Variants in GPR55 observed in about 807,000 individuals in gnomAD.
GPR55 encodes the protein G protein-coupled receptor 55, also known as G-protein coupled receptor 55.
In GPR55, 6 loss-of-function variants were observed where a neutral mutation model predicts 7.9. The ratio of observed to expected loss-of-function variants is 0.76; its 90% CI spans 0.41 to 1.49. GPR55 has a LOEUF of 1.49. GPR55 is among the 40% of genes most tolerant of loss of function. The pLI is 0.01. For synonymous variants in GPR55, 183 were observed against 166.8 expected, an observed-to-expected ratio of 1.10 and a Z score of -0.75; for missense variants, 376 against 406.0, an observed-to-expected ratio of 0.93 and a Z score of 0.63.
chr2:230,925,256 T>A (rs147224253), upstream of GPR55: 860 of 152,696 alleles, frequency 5.6e-3, 4 homozygotes, highest in Non-Finnish European at 9.2e-3. Flanking sequence ...GAGAGTCACT[T>A]CCCCTCTCTG....
intron 1 of GPR55, among the ~76,000 whole-genome samples, chr2:230,917,071 T>C (rs1690733460): frequency 2.0e-5 from 3 of 152,238 alleles, no homozygotes; most frequent in African/African-American, 4.8e-5. Context: ...CCTTGTAGAA[T>C]TGCAGAACAA....
At chr2:230,959,185 C>T (rs1183597365) in intron 1 of GPR55, among the ~76,000 whole-genome samples, 2 of 152,226 alleles carry the variant, frequency 1.3e-5, no homozygotes, top group Non-Finnish European at 2.9e-5. Flanking sequence ...CTAGCTCACG[C>T]CTGTAATCCC....
chr2:230,926,784 G>C (rs377710170), upstream of GPR55, among the ~76,000 whole-genome samples: 11 of 148,490 alleles, frequency 7.4e-5, no homozygotes, highest in Admixed American at 1.4e-4. Flanking sequence ...CCACTTCCCG[G>C]GTTCAAGTGA....
intron 1 of GPR55, among the ~76,000 whole-genome samples, chr2:230,920,491 A>T (rs190960537): frequency 0.01 from 1,555 of 151,650 alleles, 19 homozygotes; most frequent in African/African-American, 0.029. Context: ...TGATTTTTTT[A>T]AAAAAAAATT....
chr2:230,956,989 C>T (rs1691492512), intron 1 of GPR55, among the ~76,000 whole-genome samples: 1 of 151,732 alleles, frequency 6.6e-6, no homozygotes, highest in Non-Finnish European at 1.5e-5. Context: ...CCAAGCCTGA[C>T]TGCCGCCAAT....
rs1303086014 is a variant in GPR55, at chr2:230,910,860, G to C, written c.103C>G (p.Leu35Val). The change falls in exon 2 of 2, where the codon CTG (leucine) becomes GTG (valine). Residue 35 changes from leucine (L) to valine (V), a missense_variant. Coordinates refer to ENST00000650999, the MANE Select transcript of GPR55 (RefSeq NM_005683.4). The surrounding 1 kb of genome is among the most constrained non-coding windows in gnomAD (Gnocchi z 5.4). ...TGGATGGCCAGCAGGTTGAGGAGCAGGCCCAGGACGAAGGTGGGGATGTGG... is the reference window on the plus strand; with the variant it reads ...TGGATGGCCAGCAGGTTGAGGAGCACGCCCAGGACGAAGGTGGGGATGTGG... ...AVHIPTFVLG[L>V]LLNLLAIHGF... The C allele has an allele frequency of 2.5e-6, 4 of 1,614,172 alleles. No individual in the cohort carries two copies. The highest frequency in any genetic ancestry group is 8.5e-7 in the Non-Finnish European group (1 of 1,180,018).
At chr2:230,947,541 T>C (rs1691338505) in intron 1 of GPR55, among the ~76,000 whole-genome samples, 1 of 150,034 alleles carries the variant, frequency 6.7e-6, no homozygotes, top group Non-Finnish European at 1.5e-5. Flanking sequence ...TCTCACTCTG[T>C]CTCTCAGGCT....
intron 1 of GPR55, among the ~76,000 whole-genome samples, chr2:230,938,459 T>C (rs1484285262): frequency 6.6e-6 from 1 of 152,108 alleles, no homozygotes; most frequent in Non-Finnish European, 1.5e-5. Context: ...CCTGGTCTTT[T>C]ACCGTGTTTT....
chr2:230,907,824 G>A lies in GPR55; in HGVS notation c.*2179C>T, dbSNP rs1432824957. On this transcript the variant is annotated 3_prime_UTR_variant, in exon 2 of 2. Transcript: ENST00000650999. The stretch of plus-strand genomic sequence containing the variant: ...ATCGCTGGGGATGATAGTTGGTTAG[G>A]TCCACCCACCCTTGTCTCTTAGGAA... 4 of 152,216 alleles carry A rather than the reference G, an allele frequency of 2.6e-5. No individual in the cohort carries two copies. The highest frequency in any genetic ancestry group is 9.7e-5 in the African/African-American group (4 of 41,436). 9.4% of individuals were successfully genotyped at this position (152,216 alleles called of 1,614,324 possible).
At chr2:230,949,460 C>T (rs976646419) in intron 1 of GPR55, among the ~76,000 whole-genome samples, 1 of 152,216 alleles carries the variant, frequency 6.6e-6, no homozygotes, top group Non-Finnish European at 1.5e-5. Context: ...CCGCGCCCAT[C>T]CTGCTTTTAA....
Position 230,910,329 on chromosome 2 carries a change from G to C in GPR55, c.634C>G (p.Arg212Gly), listed in dbSNP as rs554032648. Reference protein sequence around the residue: ...SRSIHILLGRRDHTQDWVQQK... With the variant: ...SRSIHILLGRGDHTQDWVQQK... ...TGCACCCAGTCCTGGGTGTGGTCTC[G>C]GCGGCCCAGCAGGATGTGGATGCTC... Residue 212 changes from arginine (R) to glycine (G), a missense_variant, in exon 2 of 2, where the codon CGA (arginine) becomes GGA (glycine). Arg to Gly is a moderately radical substitution (Grantham distance 125). Transcript: ENST00000650999. The surrounding 1 kb of genome is among the most constrained non-coding windows in gnomAD (Gnocchi z 5.4). The C allele has an allele frequency of 1.5e-5, 25 of 1,613,574 alleles. No individual in the cohort carries two copies. Among genetic ancestry groups the C allele is most frequent in the Non-Finnish European group, 2.0e-5 (24 of 1,179,790 alleles).
chr2:230,953,332 C>T (rs1258039699), intron 1 of GPR55, among the ~76,000 whole-genome samples: 2 of 152,130 alleles, frequency 1.3e-5, no homozygotes, highest in African/African-American at 2.4e-5. Context: ...TCCTGATAGG[C>T]CCAATGTAAT....
At chr2:230,951,304 C>T (rs1691401277) in intron 1 of GPR55, among the ~76,000 whole-genome samples, 1 of 152,176 alleles carries the variant, frequency 6.6e-6, no homozygotes, top group South Asian at 2.1e-4. Context: ...CAACCCCCCA[C>T]ACATCTGGTC....
rs1992187 is a variant in GPR55 at position 230,910,429 on chromosome 2, G to T, written c.534C>A (p.Ser178Arg). ...CFHNMSDDTWSAKVFFPLEVF... is the reference protein window; with the variant it reads ...CFHNMSDDTWRAKVFFPLEVF... ...CCTCCAGCGGGAAGAAGACCTTGGC[G>T]CTCCAGGTATCATCAGACATGTTGT... is the stretch of plus-strand genomic sequence containing the variant. Residue 178 changes from serine to arginine, a missense_variant, in exon 2 of 2, where the codon AGC (serine) becomes AGA (arginine). Physicochemically the swap from Ser to Arg is moderately radical, Grantham distance 110. Coordinates refer to ENST00000650999, the MANE Select transcript of GPR55 (RefSeq NM_005683.4). The surrounding 1 kb of genome is among the most constrained non-coding windows in gnomAD (Gnocchi z 5.4). 1.2e-6 allele frequency: 2 copies of T among 1,613,508 alleles called. No homozygotes were observed. Among genetic ancestry groups the T allele is most frequent in the East Asian group, 4.5e-5 (2 of 44,862 alleles).
chr2:230,911,033 C>A lies in GPR55; in HGVS notation c.-71G>T. 1 of 1,483,162 alleles carries A rather than the reference C, an allele frequency of 6.7e-7. No homozygotes were observed. The highest frequency in any genetic ancestry group is 9.1e-7 in the Non-Finnish European group (1 of 1,098,072). 91.9% of individuals were successfully genotyped at this position (1,483,162 alleles called of 1,614,324 possible). A position where few individuals can be genotyped will look rare whatever the true frequency, so the allele number is the denominator to read the frequency against. ...CTCTTGAAGTGATGGATTCAAATGA[C>A]TTTGTCAAGAATCACAAACACCTCC... On this transcript the variant is annotated 5_prime_UTR_variant, in exon 2 of 2. Coordinates refer to ENST00000650999, the MANE Select transcript of GPR55 (RefSeq NM_005683.4).
Position 230,944,136 on chromosome 2 carries a change from C to T in GPR55, c.-135+16639G>A, listed in dbSNP as rs1691276542. Among the ~76,000 whole-genome samples, 1 of 152,224 alleles carries T rather than the reference C, an allele frequency of 6.6e-6. No homozygotes were observed. The highest frequency in any genetic ancestry group is 1.5e-5 in the Non-Finnish European group (1 of 68,044). On this transcript the variant is annotated intron_variant, in intron 1 of 1. Transcript: ENST00000392039. The surrounding 1 kb of genome is among the most constrained non-coding windows in gnomAD (Gnocchi z 4.2). ...CTGCCATTCATTACACACACAACAG[C>T]ATCTTGGTCCCAGATGCCGGGTCCC... is the stretch of plus-strand genomic sequence containing the variant.
intron 1 of GPR55, among the ~76,000 whole-genome samples, chr2:230,912,248 T>C (rs1363373469): frequency 2.0e-5 from 3 of 152,064 alleles, no homozygotes; most frequent in African/African-American, 7.2e-5. Flanking sequence ...AGCAGCTGGG[T>C]GAGCAAGTGC....
chr2:230,924,250 G>A lies in GPR55; in HGVS notation c.-135+918C>T, dbSNP rs1372706184. 1.3e-5 allele frequency among the ~76,000 whole-genome samples: 2 copies of A among 152,198 alleles called. No homozygotes were observed. The highest frequency in any genetic ancestry group is 2.1e-4 in the South Asian group (1 of 4,832). On this transcript the variant is annotated intron_variant, in intron 1 of 1. Coordinates refer to ENST00000650999, the MANE Select transcript of GPR55 (RefSeq NM_005683.4). This position sits in a 1 kb window ranked among gnomAD's most constrained non-coding sequence, Gnocchi z 4.5. ...GTCTGCTGCAGCTCCACAGTGACTG[G>A]TGCTCCCTTTACAGCTGGGACAGCC... is the stretch of plus-strand genomic sequence containing the variant.
intron 1 of GPR55, among the ~76,000 whole-genome samples, chr2:230,919,302 T>A (rs565032218): frequency 6.6e-6 from 1 of 152,164 alleles, no homozygotes; most frequent in Non-Finnish European, 1.5e-5. Context: ...ACAGGACAGG[T>A]TTGACTGCAC....
Sources: allele counts gnomAD v4.1 joint callset (sites outside exome capture counted in the v4.1 genomes callset), GRCh38; gene constraint gnomAD v4.1.1; non-coding constraint Gnocchi (gnomAD v3.1); transcripts MANE v1.5; gene names NCBI Gene and HGNC (gene_info 2026-07-23, HGNC 2026-07-21).